STIM1: variants seen among roughly 807,000 people sequenced by gnomAD.
STIM1 encodes stromal interaction molecule 1.
A neutral mutation model predicts 74.7 loss-of-function variants in STIM1; 25 were observed. The observed-to-expected ratio is 0.33, with a 90% confidence interval of 0.24 to 0.47. The LOEUF (loss-of-function observed/expected upper bound fraction) is 0.47. STIM1 is among the 20% of genes least tolerant of loss of function. The probability of loss-of-function intolerance (pLI) is 1.00; values close to 1 mark genes in which losing one functional copy is unlikely to be tolerated. For synonymous variants in STIM1, 328 were observed against 348.8 expected, an observed-to-expected ratio of 0.94 and a Z score of 0.66; for missense variants, 728 against 920.8, an observed-to-expected ratio of 0.79 and a Z score of 2.71.
chr11:3,913,227 G>A (rs765562427), intron 1 of STIM1, among the ~76,000 whole-genome samples: 9 of 151,534 alleles, frequency 5.9e-5, no homozygotes, highest in Non-Finnish European at 8.8e-5. Context: ...TCTTGCTGTC[G>A]CCCAGGCTGC....
intron 3 of STIM1, among the ~76,000 whole-genome samples, chr11:4,051,596 G>A (rs1242340911): frequency 2.6e-5 from 4 of 151,814 alleles, no homozygotes; most frequent in South Asian, 2.1e-4. Flanking sequence ...ACCTGCCTTC[G>A]CCTCCCAAAG....
chr11:4,086,898 C>T, intron 12 of STIM1: 1 of 1,510,666 alleles, frequency 6.6e-7, no homozygotes, highest in Non-Finnish European at 8.8e-7. Context: ...TCCCTTCCTT[C>T]CCTTTCTGCT....
chr11:3,935,288 A>G (rs1157369141), intron 1 of STIM1, among the ~76,000 whole-genome samples: 1 of 152,230 alleles, frequency 6.6e-6, no homozygotes, highest in Non-Finnish European at 1.5e-5. Context: ...CCATGGGCAT[A>G]GGACTAGTTC....
At chr11:4,086,120 G>A (rs928885149) in intron 11 of STIM1, 9 of 273,342 alleles carry the variant, frequency 3.3e-5, no homozygotes, top group African/African-American at 2.0e-4. Flanking sequence ...TCCTGAGGTT[G>A]GCTTTCTGAA....
At chr11:3,876,288 T>G (rs765006677) in intron 1 of STIM1, among the ~76,000 whole-genome samples, 5 of 152,286 alleles carry the variant, frequency 3.3e-5, no homozygotes, top group African/African-American at 7.2e-5. Context: ...GGATGCAAAA[T>G]TAATGGATAA....
chr11:3,923,099 CAA>C lies in STIM1; in HGVS notation c.140-44438_140-44437del, dbSNP rs142720800. Among the ~76,000 whole-genome samples the C allele has an allele frequency of 7.8e-4, 93 of 119,104 alleles. 1 individual carries two copies. Among genetic ancestry groups the C allele is most frequent in the African/African-American group, 1.6e-3 (51 of 31,404 alleles). The allele number at this position is 119,104 out of a possible 152,430, so 78.1% of individuals were successfully genotyped here. ...TGGGAGACAGAGCGAGACTCCGTCTCAAAAAAAAAAAAAAAACAAACACTCTT... is the reference window on the plus strand; with the variant it reads ...TGGGAGACAGAGCGAGACTCCGTCTCAAAAAAAAAAAAAACAAACACTCTT... On this transcript the variant is annotated intron_variant, in intron 1 of 12. Coordinates refer to ENST00000526596, the MANE Select transcript of STIM1 (RefSeq NM_001382567.1).
rs552059957 is a variant in STIM1 at position 3,975,651 on chromosome 11, A to C, written c.270+7969A>C. On this transcript the variant is annotated intron_variant, in intron 2 of 12. Coordinates refer to ENST00000526596, the MANE Select transcript of STIM1 (RefSeq NM_001382567.1). The stretch of plus-strand genomic sequence containing the variant: ...GAAGAAGAAGAAGGAAGAAGGAAGA[A>C]GGAAGAAGAAAATAAGCCACTTAAT... 3.9e-5 allele frequency among the ~76,000 whole-genome samples: 6 copies of C among 152,198 alleles called. No individual in the cohort carries two copies. In the South Asian group the frequency reaches 1.2e-3, roughly 32 times the overall value.
At chr11:3,993,978 C>G (rs1003471804) in intron 2 of STIM1, among the ~76,000 whole-genome samples, 3 of 152,128 alleles carry the variant, frequency 2.0e-5, no homozygotes, top group Admixed American at 1.3e-4. Flanking sequence ...ACTGTTGGTA[C>G]TTTTTTGTAT....
intron 1 of STIM1, among the ~76,000 whole-genome samples, chr11:3,873,802 C>T (rs1565097343): frequency 6.6e-6 from 1 of 152,182 alleles, no homozygotes. Flanking sequence ...TATGCTTGTA[C>T]TCTTAGCCAG....
chr11:4,060,611 A>T (rs1423803014), intron 5 of STIM1, among the ~76,000 whole-genome samples: 2 of 152,168 alleles, frequency 1.3e-5, no homozygotes, highest in Non-Finnish European at 2.9e-5. Flanking sequence ...GACACAGTGA[A>T]TGGTTCTACT....
intron 1 of STIM1, among the ~76,000 whole-genome samples, chr11:3,941,585 A>ATGTG (rs111336047): frequency 0.029 from 3,989 of 139,568 alleles, 112 homozygotes; most frequent in East Asian, 0.099. Context: ...AAGCATATAT[A>ATGTG]TGTGTGTGTG....
chr11:3,952,641 T>C (rs1225391024), intron 1 of STIM1, among the ~76,000 whole-genome samples: 2 of 152,196 alleles, frequency 1.3e-5, no homozygotes, highest in Non-Finnish European at 2.9e-5. Context: ...AAAAAGGGGA[T>C]CCTGGAGGCC....
chr11:4,063,830 A>G (rs1312269953), intron 5 of STIM1, among the ~76,000 whole-genome samples: 1 of 152,220 alleles, frequency 6.6e-6, no homozygotes, highest in East Asian at 1.9e-4. Context: ...GATTTGTATC[A>G]GGAGATTCCT....
intron 1 of STIM1, chr11:3,868,289 GA>G (rs2090944961): frequency 6.6e-6 from 1 of 152,236 alleles, no homozygotes; most frequent in African/African-American, 2.4e-5. Flanking sequence ...GAATGATGAT[GA>G]CAGCTACTAT....
In STIM1 at chr11:4,084,730, C is replaced by T. The variant is rs1014092585; in HGVS notation, c.1532C>T (p.Ala511Val). Reference protein sequence around the residue: ...FSDRSLCSTSAGSDDQSLWKY... With the variant: ...FSDRSLCSTSVGSDDQSLWKY... The stretch of plus-strand genomic sequence containing the variant: ...GACCGCTCTCTCTGCTCTACATCCG[C>T]CGGCTCGGATGATCAGTCCCTCTGG... The change falls in exon 11 of 13, where the codon GCC becomes GTC. Residue 511 changes from alanine (A) to valine (V), a missense_variant. Around this residue, in one of 5 missense-constraint regions of STIM1, gnomAD observed 352 missense variants for 370.1 expected, o/e 0.95. Coordinates refer to ENST00000526596, the MANE Select transcript of STIM1 (RefSeq NM_001382567.1). 7.8e-7 allele frequency: 1 copy of T among 1,289,410 alleles called. No homozygotes were observed. Among genetic ancestry groups the T allele is most frequent in the Non-Finnish European group, 1.0e-6 (1 of 988,874 alleles). The allele number at this position is 1,289,410 out of a possible 1,614,324, so 79.9% of individuals were successfully genotyped here.
At chr11:4,088,554 A>G (rs2133250580) in intron 12 of STIM1, 1 of 683,880 alleles carries the variant, frequency 1.5e-6, no homozygotes, top group Non-Finnish European at 2.6e-6. Context: ...ACAGATGGAG[A>G]GGATCAAATT....
intron 12 of STIM1, chr11:4,088,691 C>T: frequency 6.5e-7 from 1 of 1,535,534 alleles, no homozygotes; most frequent in Non-Finnish European, 8.7e-7. Context: ...TTCTTTTGCA[C>T]CACGCACCAG....
intron 3 of STIM1, among the ~76,000 whole-genome samples, chr11:4,041,612 T>C (rs2094148040): frequency 6.7e-6 from 1 of 149,724 alleles, no homozygotes; most frequent in Admixed American, 6.7e-5. Context: ...ACATTCTTCT[T>C]TTTTTTTTTG....
rs200097770 is a variant in STIM1 at position 4,086,580 on chromosome 11, C to A, written c.1634+37C>A. Reference sequence around the variant, plus strand: ...GCGAGGCTGGCCACTTCTTGACAAGCCGGGTATCTCTGCGGCGAATGCGCA... The same window carrying A: ...GCGAGGCTGGCCACTTCTTGACAAGACGGGTATCTCTGCGGCGAATGCGCA... On this transcript the variant is annotated intron_variant, in intron 12 of 12. Transcript: ENST00000526596. The A allele has an allele frequency of 1.7e-5, 28 of 1,613,410 alleles. No individual in the cohort carries two copies. The East Asian group carries it at 5.8e-4, about 33-fold the overall frequency.
Sources: gnomAD v4.1 joint callset for allele counts (sites outside exome capture counted in the v4.1 genomes callset) on GRCh38, gnomAD v4.1.1 for gene constraint, gnomAD v4.1.1 regional missense constraint, MANE v1.5 for transcripts, NCBI Gene and HGNC (gene_info 2026-07-23, HGNC 2026-07-21) for gene names.